The following ICOS variants were observed in gnomAD, a reference collection of about 807,000 sequenced individuals.
The protein encoded by ICOS is inducible T-cell costimulator.
In ICOS, 15 loss-of-function variants were observed where a neutral mutation model predicts 24.6. The observed-to-expected ratio is 0.61, with a 90% confidence interval of 0.41 to 0.94. ICOS has a LOEUF of 0.94. Ranked by LOEUF, ICOS falls within the 40% of genes least tolerant of loss-of-function variation. ICOS has a pLI of 0.00. For synonymous variants in ICOS, 89 were observed against 77.5 expected (o/e 1.15, Z -0.78); for missense variants, 200 against 233.0 (o/e 0.86, Z 0.92).
intron 1 of ICOS, among the ~76,000 whole-genome samples, chr2:203,951,355 T>C (rs1021887744): frequency 2.6e-5 from 4 of 152,226 alleles, no homozygotes; most frequent in South Asian, 2.1e-4. Context: ...TGCAGTCTTA[T>C]CTGGATATAT....
rs143072823 is a variant in ICOS at position 203,951,676 on chromosome 2, G to A, written c.59-3960G>A. 1.1e-4 allele frequency among the ~76,000 whole-genome samples: 16 copies of A among 152,284 alleles called. No individual in the cohort carries two copies. The East Asian group carries it at 2.9e-3, about 28-fold the overall frequency. ...ATGCGTCTATGTCTGTGTATACATG[G>A]TGACCACAGACGCTTTGGCTCCAAG... is the stretch of plus-strand genomic sequence containing the variant. On this transcript the variant is annotated intron_variant, in intron 1 of 4. Coordinates refer to ENST00000316386, the MANE Select transcript of ICOS (RefSeq NM_012092.4).
At chr2:203,959,475 T>TGC in intron 4 of ICOS, 111 bp from the exon 5 acceptor site, 1 of 810,194 alleles carries the variant, frequency 1.2e-6, no homozygotes, top group Non-Finnish European at 2.2e-6. Context: ...TGTGTGTGTG[T>TGC]GTGCACGTGT....
chr2:203,950,611 C>T (rs1020955354), intron 1 of ICOS, among the ~76,000 whole-genome samples: 7 of 152,220 alleles, frequency 4.6e-5, no homozygotes, highest in African/African-American at 1.7e-4. Flanking sequence ...TAGTTAAAAA[C>T]ATTCGAACTG....
At position 203,954,973 on chromosome 2, in the gene ICOS, T is replaced by C. The variant is rs572345549; in HGVS notation, c.59-663T>C. On this transcript the variant is annotated intron_variant, in intron 1 of 4. Coordinates refer to ENST00000316386, the MANE Select transcript of ICOS (RefSeq NM_012092.4). The stretch of plus-strand genomic sequence containing the variant: ...AGTGAGCAATTTCTATCTTTCCTTT[T>C]ATCTGCTTTACTGATGTACATCAGT... 8.6e-5 allele frequency among the ~76,000 whole-genome samples: 13 copies of C among 151,962 alleles called. No homozygotes were observed. The East Asian group carries it at 2.5e-3, about 29-fold the overall frequency.
intron 1 of ICOS, among the ~76,000 whole-genome samples, chr2:203,940,328 TTTCTCTTC>T (rs1379161263): frequency 6.6e-6 from 1 of 152,238 alleles, no homozygotes; most frequent in Non-Finnish European, 1.5e-5. Context: ...TCTTACAGTA[TTTCTCTTC>T]TGTTTCAAGA....
At chr2:203,944,006 C>T (rs1376191706) in intron 1 of ICOS, among the ~76,000 whole-genome samples, 1 of 152,166 alleles carries the variant, frequency 6.6e-6, no homozygotes, top group African/African-American at 2.4e-5. Flanking sequence ...CCTCTAACCG[C>T]CCCAAGTCTG....
At chr2:203,957,118 C>T (rs185632466) in intron 3 of ICOS, among the ~76,000 whole-genome samples, 93 of 152,190 alleles carry the variant, frequency 6.1e-4, no homozygotes, top group African/African-American at 2.1e-3. Context: ...AATTATTATG[C>T]ATGGGCTGCG....
At chr2:203,942,499 A>T (rs1689795916) in intron 1 of ICOS, among the ~76,000 whole-genome samples, 1 of 152,238 alleles carries the variant, frequency 6.6e-6, no homozygotes, top group African/African-American at 2.4e-5. Flanking sequence ...GATGAATGAA[A>T]ATGTCTAGGG....
At chr2:203,958,387 G>A (rs556985344) in intron 4 of ICOS, among the ~76,000 whole-genome samples, 20 of 152,274 alleles carry the variant, frequency 1.3e-4, no homozygotes, top group Non-Finnish European at 2.6e-4. Context: ...TTATTTTGAG[G>A]TAAAGAGTGT....
In ICOS at chr2:203,955,790, T is replaced by G; in HGVS notation, c.213T>G (p.Ser71Arg). The G allele has an allele frequency of 6.2e-7, 1 of 1,613,858 alleles. No individual in the cohort carries two copies. The highest frequency in any genetic ancestry group is 8.5e-7 in the Non-Finnish European group (1 of 1,179,832). The change falls in exon 2 of 5, where the codon AGT (serine) becomes AGG (arginine). Residue 71 changes from serine to arginine, a missense_variant. By Grantham distance (110) the Ser-to-Arg change is moderately radical (BLOSUM62 -1). Transcript: ENST00000316386. The part of the protein sequence containing the change: ...ILCDLTKTKG[S>R]GNTVSIKSLK... ...GCGATCTCACTAAGACAAAAGGAAG[T>G]GGAAACACAGTGTCCATTAAGAGTC...
intron 1 of ICOS, among the ~76,000 whole-genome samples, chr2:203,952,905 A>G (rs2105752373): frequency 6.6e-6 from 1 of 151,924 alleles, no homozygotes; most frequent in East Asian, 1.9e-4. Context: ...TATTTTTGTG[A>G]TGTGTTTGCC....
At chr2:203,937,527 G>C (rs1358181182) in intron 1 of ICOS, among the ~76,000 whole-genome samples, 5 of 152,108 alleles carry the variant, frequency 3.3e-5, no homozygotes, top group African/African-American at 1.2e-4. Context: ...TTTAAATAAT[G>C]CTACATACAA....
chr2:203,951,279 A>G (rs1689968871), intron 1 of ICOS, among the ~76,000 whole-genome samples: 1 of 152,202 alleles, frequency 6.6e-6, no homozygotes, highest in African/African-American at 2.4e-5. Flanking sequence ...GAAAGTGGTT[A>G]ACAGGAACAT....
At chr2:203,954,928 A>G (rs1207272117) in intron 1 of ICOS, among the ~76,000 whole-genome samples, 1 of 150,680 alleles carries the variant, frequency 6.6e-6, no homozygotes, top group East Asian at 1.9e-4. Flanking sequence ...TCATTTTTAA[A>G]CTACTTCGTA....
chr2:203,944,998 C>G (rs1030744625), intron 1 of ICOS, among the ~76,000 whole-genome samples: 6 of 151,988 alleles, frequency 3.9e-5, no homozygotes, highest in Non-Finnish European at 7.4e-5. Flanking sequence ...AAGAAATGGC[C>G]AAAAAGTTCA....
intron 1 of ICOS, among the ~76,000 whole-genome samples, chr2:203,944,021 C>T (rs536382398): frequency 2.6e-4 from 40 of 152,292 alleles, no homozygotes; most frequent in African/African-American, 9.4e-4. Flanking sequence ...AGTCTGTTTC[C>T]AGGCAAAGGG....
At chr2:203,958,023 A>G in intron 4 of ICOS, 140 bp downstream of exon 4, 1 of 626,014 alleles carries the variant, frequency 1.6e-6, no homozygotes, top group Middle Eastern at 3.0e-4. Context: ...GAAAATCTGG[A>G]TTTCTCACTT....
At chr2:203,951,178 C>T (rs1396769944) in intron 1 of ICOS, among the ~76,000 whole-genome samples, 1 of 152,150 alleles carries the variant, frequency 6.6e-6, no homozygotes, top group Admixed American at 6.5e-5. Context: ...ATTCCTGGTC[C>T]TACCTAAATA....
chr2:203,945,203 A>C (rs1210184492), intron 1 of ICOS, among the ~76,000 whole-genome samples: 8 of 152,180 alleles, frequency 5.3e-5, no homozygotes, highest in Admixed American at 4.6e-4. Flanking sequence ...AGTATTGAGA[A>C]GGCCAGTCAA....
Sources: gnomAD v4.1 joint callset for allele counts (sites outside exome capture counted in the v4.1 genomes callset) on GRCh38, gnomAD v4.1.1 for gene constraint, MANE v1.5 for transcripts, NCBI Gene and HGNC (gene_info 2026-07-23, HGNC 2026-07-21) for gene names.